GRSF1: variants seen among roughly 807,000 people sequenced by gnomAD.
GRSF1 encodes the protein G-rich sequence factor 1.
GRSF1 carries 50 observed loss-of-function variants against 51.1 expected under a neutral mutation model. That is an observed-to-expected ratio of 0.98 (90% CI 0.78 to 1.24). GRSF1 has a LOEUF of 1.24. GRSF1 is among the 50% of genes most tolerant of loss of function. GRSF1 has a pLI of 0.00. For synonymous variants in GRSF1, 293 were observed against 253.3 expected (o/e 1.16, Z -1.49); for missense variants, 700 against 639.7 (o/e 1.09, Z -1.02).
intron 1 of GRSF1, chr4:70,839,206 C>A (rs1292525374): frequency 7.0e-7 from 1 of 1,420,992 alleles, no homozygotes; most frequent in South Asian, 1.2e-5. Flanking sequence ...AAGGCCTCAA[C>A]ATTCACCCCA....
intron 8 of GRSF1, among the ~76,000 whole-genome samples, chr4:70,825,061 C>T (rs1334013984): frequency 2.6e-5 from 4 of 151,830 alleles, no homozygotes; most frequent in Non-Finnish European, 4.4e-5. Flanking sequence ...GAGATGGCAC[C>T]GCTGCACTCC....
rs1214386922 is a variant in GRSF1, at chr4:70,839,782, C to T, written c.46G>A (p.Gly16Ser). The T allele has an allele frequency of 6.6e-7, 1 of 1,505,980 alleles. No individual in the cohort carries two copies. Among genetic ancestry groups the T allele is most frequent in the Admixed American group, 2.1e-5 (1 of 48,688 alleles). 93.3% of individuals were successfully genotyped at this position (1,505,980 alleles called of 1,614,324 possible). Residue 16 changes from glycine to serine, a missense_variant, in exon 1 of 10, where the codon GGC (glycine) becomes AGC (serine). Physicochemically the swap from Gly to Ser is moderately conservative, Grantham distance 56. Coordinates refer to ENST00000254799, the MANE Select transcript of GRSF1 (RefSeq NM_002092.4). ...WVLGALLRGC[G>S]CNCSSCRRTG... ...CGCCGGCAGCTGCTGCAGTTACAGC[C>T]GCAGCCCCGGAGCAGCGCCCCGAGT...
chr4:70,836,977 G>C (rs1578309680), intron 1 of GRSF1, among the ~76,000 whole-genome samples: 1 of 152,302 alleles, frequency 6.6e-6, no homozygotes, highest in Middle Eastern at 3.4e-3. Context: ...TAGAGCAGAG[G>C]GCCTTGAGTG....
chr4:70,840,857 C>G (rs1261426700), upstream of GRSF1, among the ~76,000 whole-genome samples: 1 of 152,082 alleles, frequency 6.6e-6, no homozygotes, highest in Non-Finnish European at 1.5e-5. Flanking sequence ...CGCTGTGCCA[C>G]CGAAACCCGT....
chr4:70,836,367 T>C (rs913898942), intron 1 of GRSF1, 53 bp from the exon 2 acceptor site: 23 of 1,298,536 alleles, frequency 1.8e-5, no homozygotes, highest in Non-Finnish European at 2.3e-5. Flanking sequence ...AGGTAAAAAA[T>C]GTAAAAAAAT....
intron 8 of GRSF1, 45 bp downstream of exon 8, chr4:70,825,251 A>G: frequency 1.3e-6 from 2 of 1,509,568 alleles, no homozygotes; most frequent in Non-Finnish European, 1.8e-6. Flanking sequence ...TTGTAAGCAA[A>G]GACAAGCATC....
At position 70,832,329 on chromosome 4, in the gene GRSF1, T is replaced by C; in HGVS notation, c.792A>G (p.Lys264=). Residue 264 remains lysine (K), a synonymous_variant, in exon 4 of 10, where the codon AAA becomes AAG. Transcript: ENST00000254799. Reference sequence around the variant, plus strand: ...TACCTGCAAAGAAGTCTACAATGTCTTTCTCATTGCAACTATAAGGAAGTC... The same window carrying C: ...TACCTGCAAAGAAGTCTACAATGTCCTTCTCATTGCAACTATAAGGAAGTC... The part of the protein sequence containing the change: ...LRGLPYSCNE[K]DIVDFFAGLN... 3 of 1,613,628 alleles carry C rather than the reference T, an allele frequency of 1.9e-6. No homozygotes were observed. Among genetic ancestry groups the C allele is most frequent in the South Asian group, 1.1e-5 (1 of 91,068 alleles).
intron 5 of GRSF1, among the ~76,000 whole-genome samples, chr4:70,830,544 T>C (rs979747342): frequency 2.6e-5 from 4 of 151,894 alleles, no homozygotes. Flanking sequence ...TTTTGTCCGG[T>C]GTGCTGGCTC....
In GRSF1 at chr4:70,827,903, C is replaced by A; in HGVS notation, c.1084G>T (p.Val362Leu). Reference sequence around the variant, plus strand: ...GTCATGGGTTGAATATCCTCATTTACTTCATGTTCTTCAAAGACCATTTCT... The same window carrying A: ...GTCATGGGTTGAATATCCTCATTTAATTCATGTTCTTCAAAGACCATTTCT... ...EPEMVFEEHE[V>L]NEDIQPMTAF... is the part of the protein sequence containing the mutation. Residue 362 changes from valine (V) to leucine (L), a missense_variant, in exon 6 of 10, where the codon GTA (valine) becomes TTA (leucine). Transcript: ENST00000254799. The A allele has an allele frequency of 6.2e-7, 1 of 1,613,274 alleles. No homozygotes were observed. The highest frequency in any genetic ancestry group is 8.5e-7 in the Non-Finnish European group (1 of 1,179,496).
In GRSF1 at chr4:70,832,856, G is replaced by A. The variant is rs574122874; in HGVS notation, c.670+262C>T. The stretch of plus-strand genomic sequence containing the variant: ...CCAGCTACTTGGGAGGCTGAGACAG[G>A]AGAATTGCTTGAACCCAGGAGGCAG... On this transcript the variant is annotated intron_variant, in intron 3 of 9. Transcript: ENST00000254799. Among the ~76,000 whole-genome samples the A allele has an allele frequency of 4.6e-5, 7 of 152,334 alleles. No individual in the cohort carries two copies. The South Asian group carries it at 1.4e-3, about 32-fold the overall frequency.
Position 70,838,695 on chromosome 4 carries a change from C to G in GRSF1, c.357+776G>C, listed in dbSNP as rs139765081. On this transcript the variant is annotated intron_variant, in intron 1 of 9. Transcript: ENST00000254799. ...AAAATATTTGCAATCTAACTACACACCGACTTTTCTAAAAAAATAAAGAAA... is the reference window on the plus strand; with the variant it reads ...AAAATATTTGCAATCTAACTACACAGCGACTTTTCTAAAAAAATAAAGAAA... Among the ~76,000 whole-genome samples the G allele has an allele frequency of 9.2e-5, 14 of 152,248 alleles. No homozygotes were observed. In the East Asian group the frequency reaches 2.5e-3, roughly 27 times the overall value.
chr4:70,839,571 G>A lies in GRSF1; in HGVS notation c.257C>T (p.Ala86Val). Residue 86 changes from alanine to valine, a missense_variant, in exon 1 of 10, where the codon GCC (alanine) becomes GTC (valine). Physicochemically the swap from Ala to Val is moderately conservative, Grantham distance 64. Transcript: ENST00000254799. Reference protein sequence around the residue: ...LAGPPAVATSAAAAAAASYSA... With the variant: ...LAGPPAVATSVAAAAAASYSA... ...GTAGGACGCGGCGGCCGCGGCCGCG[G>A]CAGAGGTGGCCACAGCGGGAGGCCC... 1 of 1,423,492 alleles carries A rather than the reference G, an allele frequency of 7.0e-7. No individual in the cohort carries two copies. Among genetic ancestry groups the A allele is most frequent in the South Asian group, 1.4e-5 (1 of 70,044 alleles). The allele number at this position is 1,423,492 out of a possible 1,614,324, so 88.2% of individuals were successfully genotyped here.
chr4:70,841,628 T>C (rs1734460510), upstream of GRSF1, among the ~76,000 whole-genome samples: 1 of 152,244 alleles, frequency 6.6e-6, no homozygotes, highest in Non-Finnish European at 1.5e-5. Flanking sequence ...CCAGACCTTA[T>C]TTTCTTTGCT....
At chr4:70,825,274 A>G (rs1458161697) in intron 8 of GRSF1, 22 bp downstream of exon 8, 7 of 1,570,388 alleles carry the variant, frequency 4.5e-6, no homozygotes, top group Non-Finnish European at 6.1e-6. Context: ...AAATGACAAC[A>G]AAAGCCAAAG....
rs1290570826 is a variant in GRSF1, at chr4:70,818,289, G to GT, written c.*2597dup. ...GACCTCAAGTGACCCACCATGGAGGGTTTTAAATTCTGAAACAAACAGGAT... is the reference window on the plus strand; with the variant it reads ...GACCTCAAGTGACCCACCATGGAGGGTTTTTAAATTCTGAAACAAACAGGAT... On this transcript the variant is annotated 3_prime_UTR_variant, in exon 10 of 10. Coordinates refer to ENST00000254799, the MANE Select transcript of GRSF1 (RefSeq NM_002092.4). 6.6e-6 allele frequency: 1 copy of GT among 152,158 alleles called. No individual in the cohort carries two copies. Among genetic ancestry groups the GT allele is most frequent in the Non-Finnish European group, 1.5e-5 (1 of 68,048 alleles). 9.4% of individuals were successfully genotyped at this position (152,158 alleles called of 1,614,324 possible). A position where few individuals can be genotyped will look rare whatever the true frequency, so the allele number is the denominator to read the frequency against.
chr4:70,838,376 T>TGTTGTG (rs1217806630), intron 1 of GRSF1, among the ~76,000 whole-genome samples: 2 of 152,156 alleles, frequency 1.3e-5, no homozygotes, highest in African/African-American at 4.8e-5. Flanking sequence ...GAGATGGTTT[T>TGTTGTG]GTTGTGGTTT....
Position 70,836,332 on chromosome 4 carries a change from G to A in GRSF1, c.358-18C>T, listed in dbSNP as rs1734208806. 6.6e-7 allele frequency: 1 copy of A among 1,522,628 alleles called. No homozygotes were observed. The highest frequency in any genetic ancestry group is 8.8e-7 in the Non-Finnish European group (1 of 1,135,604). The allele number at this position is 1,522,628 out of a possible 1,614,324, so 94.3% of individuals were successfully genotyped here. ...TTGGACTCCTTCCAAAGGAAATGAAGAATTGTAAAAAGAGTTGCATTTACA... is the reference window on the plus strand; with the variant it reads ...TTGGACTCCTTCCAAAGGAAATGAAAAATTGTAAAAAGAGTTGCATTTACA... On this transcript the variant is annotated intron_variant, in intron 1 of 9. Transcript: ENST00000254799.
chr4:70,839,041 G>A (rs549883645), intron 1 of GRSF1: 5 of 953,010 alleles, frequency 5.2e-6, no homozygotes, highest in East Asian at 6.2e-5. Context: ...AGGCGCCGAG[G>A]GCCGCCCAGG....
At chr4:70,825,859 G>A (rs1446418065) in intron 7 of GRSF1, 4 of 345,670 alleles carry the variant, frequency 1.2e-5, no homozygotes, top group Admixed American at 5.1e-5. Flanking sequence ...TTGAACCCGG[G>A]AGGCAGAGGT....
Sources: allele counts gnomAD v4.1 joint callset (sites outside exome capture counted in the v4.1 genomes callset), GRCh38; gene constraint gnomAD v4.1.1; transcripts MANE v1.5; gene names NCBI Gene and HGNC (gene_info 2026-07-23, HGNC 2026-07-21).